ZNF75D: variants seen among roughly 807,000 people sequenced by gnomAD.
ZNF75D encodes the protein zinc finger protein 75.
A neutral mutation model predicts 33.3 loss-of-function variants in ZNF75D; 33 were observed. The observed-to-expected ratio is 0.99, with a 90% CI of 0.75 to 1.32. The LOEUF (loss-of-function observed/expected upper bound fraction) is 1.32, where lower values mean the gene tolerates loss of function less well. Among genes scored for constraint, ZNF75D ranks in the 40% most tolerant of loss-of-function variants. The probability of loss-of-function intolerance (pLI) is 0.00; values close to 1 mark genes in which losing one functional copy is unlikely to be tolerated. For synonymous variants in ZNF75D, 113 were observed against 130.6 expected (o/e 0.87, Z 0.92); for missense variants, 338 against 367.5 (o/e 0.92, Z 0.66).
intron 1 of ZNF75D, among the ~76,000 whole-genome samples, chrX:135,322,236 A>G (rs1384701042): frequency 8.9e-6 from 1 of 112,012 alleles, no homozygotes; most frequent in Non-Finnish European, 1.9e-5. Flanking sequence ...CAGCTGCCAA[A>G]AGGAACATAA....
chrX:135,320,940 G>A (rs929666869), intron 1 of ZNF75D, among the ~76,000 whole-genome samples: 4 of 111,278 alleles, frequency 3.6e-5, no homozygotes, highest in African/African-American at 1.3e-4. Context: ...GCAAGGTTGG[G>A]GGGGGTTATC....
intron 1 of ZNF75D, among the ~76,000 whole-genome samples, chrX:135,274,642 G>C (rs1174756000): frequency 8.9e-6 from 1 of 112,258 alleles, no homozygotes; most frequent in Non-Finnish European, 1.9e-5. Flanking sequence ...AACTTTAAAA[G>C]ATAGTGTCTA....
chrX:135,269,425 T>G (rs2083874241), intron 1 of ZNF75D, among the ~76,000 whole-genome samples: 1 of 112,096 alleles, frequency 8.9e-6, no homozygotes, highest in South Asian at 3.6e-4. Context: ...AATAATCCAG[T>G]TAAAAATGGA....
chrX:135,257,188 G>A (rs782646256), intron 1 of ZNF75D, among the ~76,000 whole-genome samples: 6 of 112,761 alleles, frequency 5.3e-5, no homozygotes, highest in Admixed American at 9.3e-5. Context: ...TACCAGCTCA[G>A]CCAGTGCAGT....
intron 2 of ZNF75D, among the ~76,000 whole-genome samples, chrX:135,295,109 C>T (rs1426819610): frequency 9.0e-6 from 1 of 111,576 alleles, no homozygotes; most frequent in East Asian, 2.8e-4. Flanking sequence ...AACCTTTCTC[C>T]TGACTTAACA....
chrX:135,281,163 A>G (rs2083918664), downstream of ZNF75D, among the ~76,000 whole-genome samples: 1 of 110,014 alleles, frequency 9.1e-6, no homozygotes, highest in South Asian at 3.9e-4. Context: ...ATAGTCCCAT[A>G]TTTCTTGGAG....
chrX:135,290,708 A>T (rs1279306928), intron 6 of ZNF75D, among the ~76,000 whole-genome samples: 1 of 112,600 alleles, frequency 8.9e-6, no homozygotes, highest in East Asian at 2.8e-4. Context: ...TTTTCTGTGG[A>T]ATAATGCCAT....
chrX:135,256,728 G>A (rs1289573866), intron 1 of ZNF75D, among the ~76,000 whole-genome samples: 4 of 111,169 alleles, frequency 3.6e-5, no homozygotes, highest in Admixed American at 1.9e-4. Flanking sequence ...CAATTAAAAC[G>A]TCCCCTTACT....
At position 135,267,137 on chromosome X, in the gene ZNF75D, G is replaced by T. The variant is rs912684218; in HGVS notation, n.828-11360C>A. ...ATCAGTACCAAGAGGGAAGTTTATAGCTATAAGTGCCTATATCAAAAAAGA... is the reference window on the plus strand; with the variant it reads ...ATCAGTACCAAGAGGGAAGTTTATATCTATAAGTGCCTATATCAAAAAAGA... On this transcript the variant is annotated intron_variant and non_coding_transcript_variant, in intron 1 of 3. Coordinates refer to the ZNF75D transcript ENST00000494295. Among the ~76,000 whole-genome samples, 39 of 111,466 alleles carry T rather than the reference G, an allele frequency of 3.5e-4. 1 individual carries two copies. Among genetic ancestry groups the T allele is most frequent in the African/African-American group, 1.3e-3 (39 of 30,786 alleles).
chrX:135,293,807 G>A lies in ZNF75D; in HGVS notation c.334C>T (p.His112Tyr), dbSNP rs1281305450. 1 of 1,208,145 alleles carries A rather than the reference G, an allele frequency of 8.3e-7. No homozygotes were observed. The highest frequency in any genetic ancestry group is 1.1e-6 in the Non-Finnish European group (1 of 892,657). Residue 112 changes from histidine (H) to tyrosine (Y), a missense_variant, in exon 3 of 7, where the codon CAT (histidine) becomes TAT (tyrosine). Transcript: ENST00000370766. Reference sequence around the variant, plus strand: ...GCCTGTTTGACATTCTGTGGATGATGCTTCTGCACCCAGTTCTGGGTCTCC... The same window carrying A: ...GCCTGTTTGACATTCTGTGGATGATACTTCTGCACCCAGTTCTGGGTCTCC... ...PKETQNWVQK[H>Y]HPQNVKQALV...
intron 1 of ZNF75D, among the ~76,000 whole-genome samples, chrX:135,322,543 TAGAC>T (rs1330862982): frequency 3.6e-5 from 4 of 112,219 alleles, no homozygotes; most frequent in South Asian, 3.7e-4. Flanking sequence ...GATAGGTAGA[TAGAC>T]AGATAGATAG....
intron 1 of ZNF75D, chrX:135,298,265 C>T (rs1161482882): frequency 1.8e-5 from 2 of 111,607 alleles, no homozygotes; most frequent in African/African-American, 6.5e-5. Flanking sequence ...TACCTTCCCC[C>T]TCTCAAATTT....
intron 1 of ZNF75D, among the ~76,000 whole-genome samples, chrX:135,307,621 A>G (rs2084304913): frequency 1.8e-5 from 2 of 111,905 alleles, no homozygotes; most frequent in South Asian, 7.4e-4. Context: ...TAGTTTTAGC[A>G]TAAGATTTTC....
intron 1 of ZNF75D, among the ~76,000 whole-genome samples, chrX:135,259,403 G>A (rs797028999): frequency 1.8e-5 from 2 of 111,817 alleles, no homozygotes; most frequent in African/African-American, 3.3e-5. Flanking sequence ...CCATTTTCAC[G>A]ATATTGATTC....
At chrX:135,273,900 G>A (rs1569486641) in intron 1 of ZNF75D, among the ~76,000 whole-genome samples, 1 of 112,015 alleles carries the variant, frequency 8.9e-6, no homozygotes, top group Non-Finnish European at 1.9e-5. Flanking sequence ...ACAGGGTCAG[G>A]CCTAATTAGT....
intron 1 of ZNF75D, among the ~76,000 whole-genome samples, chrX:135,261,009 T>C (rs782287576): frequency 6.2e-5 from 7 of 112,436 alleles, no homozygotes; most frequent in African/African-American, 2.3e-4. Context: ...TTTGTTCTCA[T>C]TGGTTTCAAA....
chrX:135,322,382 A>G, intron 1 of ZNF75D, among the ~76,000 whole-genome samples: 1 of 112,199 alleles, frequency 8.9e-6, no homozygotes, highest in South Asian at 3.7e-4. Context: ...AGGCCTTTCA[A>G]CCTTGACATC....
intron 1 of ZNF75D, among the ~76,000 whole-genome samples, chrX:135,312,325 G>T (rs1183696837): frequency 9.0e-6 from 1 of 111,230 alleles, no homozygotes; most frequent in Non-Finnish European, 1.9e-5. Context: ...AACATGGATT[G>T]CGGAATTTTT....
At chrX:135,324,121 G>A (rs781867272) in intron 1 of ZNF75D, among the ~76,000 whole-genome samples, 2 of 111,173 alleles carry the variant, frequency 1.8e-5, no homozygotes, top group Non-Finnish European at 3.8e-5. Flanking sequence ...ATTAAAATCC[G>A]TCACAGTAAA....
Sources: gnomAD v4.1 joint callset for allele counts (sites outside exome capture counted in the v4.1 genomes callset) on GRCh38, gnomAD v4.1.1 for gene constraint, MANE v1.5 for transcripts, NCBI Gene and HGNC (gene_info 2026-07-23, HGNC 2026-07-21) for gene names.